Variants in EEIG2 observed in about 807,000 individuals in gnomAD.
EEIG2 encodes family with sequence similarity 102 member B.
chr1:108,605,665 T>G, the EEIG2 span, among the ~76,000 whole-genome samples: 2 of 152,158 alleles, frequency 1.3e-5, no homozygotes, highest in Non-Finnish European at 2.9e-5. Context: ...TTTGGCAAAT[T>G]TATGTACAGT....
At chr1:108,633,226 G>A in the EEIG2 span, among the ~76,000 whole-genome samples, 1 of 152,144 alleles carries the variant, frequency 6.6e-6, no homozygotes, top group African/African-American at 2.4e-5. Context: ...TAAAATGAGA[G>A]TGATAAATAA....
the EEIG2 span, among the ~76,000 whole-genome samples, chr1:108,588,024 C>G: frequency 3.3e-5 from 5 of 152,208 alleles, no homozygotes; most frequent in African/African-American, 7.2e-5. Context: ...TATGTTGTCA[C>G]AAATGGCAGG....
the EEIG2 span, among the ~76,000 whole-genome samples, chr1:108,599,266 C>G: frequency 6.6e-6 from 1 of 152,160 alleles, no homozygotes; most frequent in East Asian, 1.9e-4. Context: ...ACATTCACCA[C>G]AGCAGTTTTC....
At chr1:108,601,724 C>CA in the EEIG2 span, among the ~76,000 whole-genome samples, 7 of 151,942 alleles carry the variant, frequency 4.6e-5, no homozygotes, top group South Asian at 2.1e-4. Context: ...AAACACTTGG[C>CA]AAAAAAACTA....
At chr1:108,628,636 C>T in the EEIG2 span, 1 of 1,580,252 alleles carries the variant, frequency 6.3e-7, no homozygotes, top group South Asian at 1.2e-5. Flanking sequence ...ACTTTGTTTT[C>T]ATAACATAAT....
At chr1:108,609,321 A>G in the EEIG2 span, among the ~76,000 whole-genome samples, 2 of 152,218 alleles carry the variant, frequency 1.3e-5, no homozygotes, top group Admixed American at 1.3e-4. Flanking sequence ...TGCTAATGGA[A>G]GCAGGGGTCG....
chr1:108,586,245 A>G, the EEIG2 span, among the ~76,000 whole-genome samples: 1 of 152,120 alleles, frequency 6.6e-6, no homozygotes, highest in East Asian at 1.9e-4. Flanking sequence ...AGGACTCAGG[A>G]AATGCATCAT....
chr1:108,597,025 C>T, the EEIG2 span, among the ~76,000 whole-genome samples: 1 of 152,140 alleles, frequency 6.6e-6, no homozygotes, highest in African/African-American at 2.4e-5. Flanking sequence ...CTGCAACCAG[C>T]CAAGTTAGTT....
At chr1:108,604,984 A>T in the EEIG2 span, among the ~76,000 whole-genome samples, 1 of 152,004 alleles carries the variant, frequency 6.6e-6, no homozygotes, top group Non-Finnish European at 1.5e-5. Flanking sequence ...TTGAGGTTTC[A>T]GTGAGCTGTG....
chr1:108,591,713 A>G, the EEIG2 span, among the ~76,000 whole-genome samples: 1 of 152,148 alleles, frequency 6.6e-6, no homozygotes, highest in African/African-American at 2.4e-5. Flanking sequence ...GAGGACACTG[A>G]GAAGGGAACC....
At chr1:108,581,357 A>G in the EEIG2 span, among the ~76,000 whole-genome samples, 1 of 152,224 alleles carries the variant, frequency 6.6e-6, no homozygotes, top group Non-Finnish European at 1.5e-5. Context: ...TGGATCAAAA[A>G]GTAATTTTGA....
At chr1:108,560,930 C>A in the EEIG2 span, among the ~76,000 whole-genome samples, 1 of 152,172 alleles carries the variant, frequency 6.6e-6, no homozygotes, top group East Asian at 1.9e-4. Flanking sequence ...GTTCCAAGAG[C>A]CCAGCTCTGA....
At chr1:108,629,695 T>C in the EEIG2 span, 1 of 1,484,240 alleles carries the variant, frequency 6.7e-7, no homozygotes, top group Non-Finnish European at 9.3e-7. Flanking sequence ...AAATATAGAC[T>C]AATTTTTTTA....
the EEIG2 span, among the ~76,000 whole-genome samples, chr1:108,578,246 C>T: frequency 9.0e-3 from 1,039 of 115,154 alleles, 9 homozygotes; most frequent in Non-Finnish European, 0.014. Flanking sequence ...CGTCTGCAAA[C>T]AGGGACAATT....
chr1:108,598,282 C>T, the EEIG2 span, among the ~76,000 whole-genome samples: 1 of 137,970 alleles, frequency 7.2e-6, no homozygotes, highest in Non-Finnish European at 1.5e-5. Flanking sequence ...TGCAGTGAGC[C>T]AAGATTGCAC....
the EEIG2 span, among the ~76,000 whole-genome samples, chr1:108,561,395 T>A: frequency 6.6e-6 from 1 of 152,162 alleles, no homozygotes; most frequent in Non-Finnish European, 1.5e-5. Context: ...GAGAAAACAA[T>A]TTTTTAAATG....
the EEIG2 span, among the ~76,000 whole-genome samples, chr1:108,610,746 C>T: frequency 1.1e-3 from 162 of 152,156 alleles, no homozygotes; most frequent in African/African-American, 3.6e-3. Context: ...CTGGCCAACA[C>T]GGTGAAATCC....
chr1:108,635,016 C>T, the EEIG2 span: 1 of 1,169,010 alleles, frequency 8.6e-7, no homozygotes, highest in Non-Finnish European at 1.3e-6. Context: ...GAAAAATACC[C>T]AGTGCCCCAT....
the EEIG2 span, chr1:108,624,546 C>A: frequency 1.2e-6 from 1 of 848,676 alleles, no homozygotes; most frequent in Non-Finnish European, 1.8e-6. Flanking sequence ...GTAACATTAC[C>A]AAGCAGTCTA....
Sources: allele counts gnomAD v4.1 joint callset (sites outside exome capture counted in the v4.1 genomes callset), GRCh38; gene constraint gnomAD v4.1.1; transcripts MANE v1.5; gene names NCBI Gene and HGNC (gene_info 2026-07-23, HGNC 2026-07-21).